The following TNRC6B variants were observed in gnomAD, a reference collection of about 807,000 sequenced individuals.
TNRC6B encodes the protein trinucleotide repeat containing adaptor 6B.
Under a neutral mutation model 203.6 loss-of-function variants are expected in TNRC6B, and 52 were observed. The observed-to-expected ratio is 0.26, with a 90% CI of 0.20 to 0.32. The LOEUF is 0.32. Among genes scored for constraint, TNRC6B ranks in the 10% least tolerant of loss-of-function variants. TNRC6B has a pLI of 1.00. For missense variants in TNRC6B, 1,923 were observed against 2,286.2 expected, an observed-to-expected ratio of 0.84 and a Z score of 3.24; for synonymous variants, 838 against 845.7, an observed-to-expected ratio of 0.99 and a Z score of 0.16.
At chr22:40,295,688 A>G (rs2070929587) in intron 12 of TNRC6B, among the ~76,000 whole-genome samples, 1 of 152,108 alleles carries the variant, frequency 6.6e-6, no homozygotes. Context: ...TAGTAAGGGT[A>G]AAAGCAAGCA....
chr22:40,060,892 G>A (rs1424198400), intron 1 of TNRC6B, among the ~76,000 whole-genome samples: 1 of 152,154 alleles, frequency 6.6e-6, no homozygotes, highest in Non-Finnish European at 1.5e-5. Context: ...AAAATTTCAG[G>A]CTCCCAGTAG....
At chr22:40,069,806 GA>G (rs1285305958) in intron 1 of TNRC6B, among the ~76,000 whole-genome samples, 4 of 152,028 alleles carry the variant, frequency 2.6e-5, no homozygotes, top group African/African-American at 9.7e-5. Flanking sequence ...CTTTTAGACA[GA>G]AATAATTAGG....
At chr22:40,230,714 T>C (rs1447168910) in intron 1 of TNRC6B, among the ~76,000 whole-genome samples, 2 of 152,208 alleles carry the variant, frequency 1.3e-5, no homozygotes, top group Non-Finnish European at 2.9e-5. Flanking sequence ...CTCTTAAATG[T>C]CTTTTGAAGA....
At chr22:40,161,641 C>T (rs1601850513) in intron 4 of TNRC6B, among the ~76,000 whole-genome samples, 1 of 152,068 alleles carries the variant, frequency 6.6e-6, no homozygotes, top group African/African-American at 2.4e-5. Flanking sequence ...AATATCTGTG[C>T]TAAACTATTA....
Position 40,265,797 on chromosome 22 carries a change from G to A in TNRC6B, c.1567G>A (p.Gly523Arg). The A allele has an allele frequency of 6.2e-7, 1 of 1,613,972 alleles. No individual in the cohort carries two copies. Among genetic ancestry groups the A allele is most frequent in the Non-Finnish European group, 8.5e-7 (1 of 1,179,878 alleles). Residue 523 changes from glycine (G) to arginine (R), a missense_variant, in exon 5 of 23, where the codon GGA (glycine) becomes AGA (arginine). Gly to Arg is a moderately radical substitution (Grantham distance 125). Transcript: ENST00000454349. ...QPTGSDELKI[G>R]EWSGPNQPNS... is the part of the protein sequence containing the mutation. Reference sequence around the variant, plus strand: ...GACTGGGTCTGATGAGTTGAAAATTGGAGAATGGAGTGGTCCAAACCAACC... The same window carrying A: ...GACTGGGTCTGATGAGTTGAAAATTAGAGAATGGAGTGGTCCAAACCAACC...
chr22:40,053,087 T>C (rs878908278), intron 1 of TNRC6B, among the ~76,000 whole-genome samples: 1 of 151,840 alleles, frequency 6.6e-6, no homozygotes, highest in African/African-American at 2.4e-5. Context: ...AACCACCTTA[T>C]TGAGGTATGA....
At chr22:40,257,794 G>A (rs1465276825) in intron 3 of TNRC6B, among the ~76,000 whole-genome samples, 7 of 151,874 alleles carry the variant, frequency 4.6e-5, no homozygotes, top group African/African-American at 1.4e-4. Flanking sequence ...AGGCTGAGGC[G>A]GGCAGATCAC....
At chr22:40,150,251 G>A (rs755994188) in intron 3 of TNRC6B, among the ~76,000 whole-genome samples, 2 of 152,126 alleles carry the variant, frequency 1.3e-5, no homozygotes, top group African/African-American at 2.4e-5. Flanking sequence ...GGTCGTGGGC[G>A]CCTGTAGTCC....
chr22:40,165,681 T>TA (rs2068913001), intron 4 of TNRC6B, among the ~76,000 whole-genome samples: 1 of 152,194 alleles, frequency 6.6e-6, no homozygotes. Flanking sequence ...TCAGGGAACT[T>TA]ACAACCATGG....
intron 6 of TNRC6B, among the ~76,000 whole-genome samples, chr22:40,273,036 A>G (rs952615823): frequency 3.9e-5 from 6 of 152,242 alleles, no homozygotes; most frequent in African/African-American, 1.4e-4. Context: ...TACATACTGA[A>G]TGGAGGATAA....
rs1311712502 is a variant in TNRC6B, at chr22:40,330,964, C to T, written c.*7723C>T. 3 of 152,648 alleles carry T rather than the reference C, an allele frequency of 2.0e-5. No homozygotes were observed. The highest frequency in any genetic ancestry group is 1.9e-4 in the East Asian group (1 of 5,194). 9.5% of individuals were successfully genotyped at this position (152,648 alleles called of 1,614,324 possible). A position where few individuals can be genotyped will look rare whatever the true frequency, so the allele number is the denominator to read the frequency against. On this transcript the variant is annotated 3_prime_UTR_variant, in exon 23 of 23. Coordinates refer to ENST00000454349, the MANE Select transcript of TNRC6B (RefSeq NM_001162501.2). The stretch of plus-strand genomic sequence containing the variant: ...ACGCAGACCCACGTTAGTCCAAGAG[C>T]GCAGGTTTACACATCTGCATTCCCT...
At chr22:40,296,961 G>A (rs1222464815) in intron 12 of TNRC6B, among the ~76,000 whole-genome samples, 2 of 152,028 alleles carry the variant, frequency 1.3e-5, no homozygotes, top group Admixed American at 6.6e-5. Flanking sequence ...TTTCTGAAAG[G>A]AGAAATAAGG....
chr22:40,297,305 A>G (rs1023428604), intron 12 of TNRC6B, among the ~76,000 whole-genome samples: 2 of 152,232 alleles, frequency 1.3e-5, no homozygotes, highest in African/African-American at 4.8e-5. Context: ...GCATATGACT[A>G]GATTATCCTC....
intron 1 of TNRC6B, among the ~76,000 whole-genome samples, chr22:40,055,850 G>A (rs1384559470): frequency 6.6e-6 from 1 of 152,188 alleles, no homozygotes; most frequent in Non-Finnish European, 1.5e-5. Flanking sequence ...AATCAGAAAA[G>A]AGGACTACCC....
chr22:40,319,610 A>G (rs531642673), intron 21 of TNRC6B, among the ~76,000 whole-genome samples: 15 of 152,038 alleles, frequency 9.9e-5, no homozygotes, highest in Admixed American at 9.2e-4. Flanking sequence ...TGTTTTTAGT[A>G]GAGATGGGTT....
chr22:40,229,644 T>C (rs1054020220), intron 1 of TNRC6B, among the ~76,000 whole-genome samples: 9 of 152,146 alleles, frequency 5.9e-5, no homozygotes, highest in Admixed American at 5.9e-4. Flanking sequence ...CAGATAACCA[T>C]TGATGTGCTT....
intron 1 of TNRC6B, among the ~76,000 whole-genome samples, chr22:40,046,013 G>A (rs1472562119): frequency 6.6e-6 from 1 of 152,142 alleles, no homozygotes; most frequent in African/African-American, 2.4e-5. Flanking sequence ...ATACAAAATT[G>A]GTCAAAGATA....
chr22:40,171,002 C>G (rs916095982), intron 4 of TNRC6B, among the ~76,000 whole-genome samples: 3 of 142,744 alleles, frequency 2.1e-5, no homozygotes, highest in African/African-American at 7.8e-5. Flanking sequence ...TATATATATA[C>G]ACATATACCT....
At chr22:40,288,628 C>T (rs1473678471) in intron 12 of TNRC6B, among the ~76,000 whole-genome samples, 1 of 151,952 alleles carries the variant, frequency 6.6e-6, no homozygotes, top group African/African-American at 2.4e-5. Flanking sequence ...CTGCAACCTC[C>T]GCCTCCCAAG....
Sources: allele counts gnomAD v4.1 joint callset (sites outside exome capture counted in the v4.1 genomes callset), GRCh38; gene constraint gnomAD v4.1.1; transcripts MANE v1.5; gene names NCBI Gene and HGNC (gene_info 2026-07-23, HGNC 2026-07-21).